The following RAP1GDS1 variants were observed in gnomAD, a reference collection of about 807,000 sequenced individuals.
RAP1GDS1 encodes Rap1 GTPase-GDP dissociation stimulator 1.
Under a neutral mutation model 71.1 loss-of-function variants are expected in RAP1GDS1, and 35 were observed. The observed-to-expected ratio is 0.49, with a 90% CI of 0.38 to 0.65. RAP1GDS1 has a LOEUF of 0.65. RAP1GDS1 is among the 30% of genes least tolerant of loss of function. The pLI, the probability that RAP1GDS1 is intolerant of heterozygous loss-of-function variation, is 0.00. For missense variants in RAP1GDS1, 663 were observed against 706.1 expected, an observed-to-expected ratio of 0.94 and a Z score of 0.69; for synonymous variants, 229 against 243.1, an observed-to-expected ratio of 0.94 and a Z score of 0.54.
intron 5 of RAP1GDS1, among the ~76,000 whole-genome samples, chr4:98,386,575 CTT>C (rs905921745): frequency 2.9e-5 from 4 of 136,496 alleles, no homozygotes; most frequent in East Asian, 2.1e-4. Context: ...TGAATGTTGG[CTT>C]TTTTTTTTTT....
chr4:98,278,227 G>C (rs952322873), intron 1 of RAP1GDS1, among the ~76,000 whole-genome samples: 2 of 151,996 alleles, frequency 1.3e-5, no homozygotes, highest in African/African-American at 4.8e-5. Context: ...CAATACCCTA[G>C]GCTGCATTCC....
intron 1 of RAP1GDS1, among the ~76,000 whole-genome samples, chr4:98,283,301 G>A (rs1322557540): frequency 6.6e-6 from 1 of 152,154 alleles, no homozygotes; most frequent in Non-Finnish European, 1.5e-5. Context: ...ATGAGCTGAT[G>A]ATTTTCCTTT....
At chr4:98,366,712 CTTGTTATG>C (rs1456715017) in intron 4 of RAP1GDS1, among the ~76,000 whole-genome samples, 3 of 152,166 alleles carry the variant, frequency 2.0e-5, no homozygotes, top group South Asian at 2.1e-4. Context: ...AAAGGTGATT[CTTGTTATG>C]TTTTAGCAAA....
At chr4:98,331,885 T>TTTA (rs1282138348) in intron 2 of RAP1GDS1, among the ~76,000 whole-genome samples, 1 of 152,184 alleles carries the variant, frequency 6.6e-6, no homozygotes, top group Non-Finnish European at 1.5e-5. Flanking sequence ...ATCAGTCTTT[T>TTTA]TTATTATTAT....
chr4:98,392,868 CTG>C (rs2110129874), intron 6 of RAP1GDS1, among the ~76,000 whole-genome samples: 1 of 151,818 alleles, frequency 6.6e-6, no homozygotes, highest in Admixed American at 6.5e-5. Context: ...AAAACAAAAT[CTG>C]TGGAATCCTT....
intron 4 of RAP1GDS1, 88 bp downstream of exon 4, chr4:98,352,689 C>G (rs1737391912): frequency 1.4e-6 from 2 of 1,445,704 alleles, no homozygotes; most frequent in Non-Finnish European, 1.9e-6. Flanking sequence ...AGTGACTTTT[C>G]TAGGCTAAAA....
intron 3 of RAP1GDS1, among the ~76,000 whole-genome samples, chr4:98,351,728 A>T (rs926233865): frequency 2.0e-5 from 3 of 151,988 alleles, no homozygotes; most frequent in Non-Finnish European, 2.9e-5. Context: ...ATGTCCAATC[A>T]TGACTGTGGT....
At chr4:98,374,816 T>C (rs528059091) in intron 4 of RAP1GDS1, among the ~76,000 whole-genome samples, 267 of 152,282 alleles carry the variant, frequency 1.8e-3, no homozygotes, top group African/African-American at 6.2e-3. Context: ...GACTTCAGGC[T>C]TGGACCCGTT....
chr4:98,392,450 T>C (rs1452729430), intron 6 of RAP1GDS1, among the ~76,000 whole-genome samples: 2 of 152,240 alleles, frequency 1.3e-5, no homozygotes, highest in Non-Finnish European at 2.9e-5. Flanking sequence ...CATAGTGGCT[T>C]GTGCCTGTGG....
At position 98,332,397 on chromosome 4, in the gene RAP1GDS1, C is replaced by T. The variant is rs539757846; in HGVS notation, c.113-10742C>T. ...ACATTGCTTTTCTAGTCCTTCAAGA[C>T]AGAACATTTCAGTTTCAGGTCACAA... On this transcript the variant is annotated intron_variant, in intron 2 of 14. Transcript: ENST00000408927. 3.1e-3 allele frequency among the ~76,000 whole-genome samples: 471 copies of T among 152,156 alleles called. 1 individual carries two copies. Among genetic ancestry groups the T allele is most frequent in the Admixed American group, 6.7e-3 (103 of 15,284 alleles).
At position 98,392,089 on chromosome 4, in the gene RAP1GDS1, T is replaced by C; in HGVS notation, c.637+9T>C. On this transcript the variant is annotated intron_variant, in intron 6 of 14. Coordinates refer to ENST00000408927, the MANE Select transcript of RAP1GDS1 (RefSeq NM_001100427.2). ...TAATTTAGCAGAACTTGGTAAGTCT[T>C]AGTCATGAACCACAAATGTAATTAA... 1 of 1,607,464 alleles carries C rather than the reference T, an allele frequency of 6.2e-7. No individual in the cohort carries two copies. Among genetic ancestry groups the C allele is most frequent in the Non-Finnish European group, 8.5e-7 (1 of 1,176,564 alleles).
At chr4:98,306,240 A>G (rs1729309261) in intron 2 of RAP1GDS1, among the ~76,000 whole-genome samples, 2 of 152,120 alleles carry the variant, frequency 1.3e-5, no homozygotes, top group Admixed American at 6.5e-5. Context: ...AATAGTAGAG[A>G]TTTATATTTC....
chr4:98,338,610 C>T (rs900032341), intron 2 of RAP1GDS1, among the ~76,000 whole-genome samples: 5 of 152,120 alleles, frequency 3.3e-5, no homozygotes, highest in African/African-American at 7.2e-5. Flanking sequence ...CACAATCTGC[C>T]GTAAGGATCC....
chr4:98,372,610 C>T (rs1314031629), intron 4 of RAP1GDS1, among the ~76,000 whole-genome samples: 2 of 152,202 alleles, frequency 1.3e-5, no homozygotes, highest in Non-Finnish European at 2.9e-5. Context: ...GTTCCACTTC[C>T]TCCCTTAAAT....
chr4:98,407,102 C>A (rs1442829601), intron 7 of RAP1GDS1, among the ~76,000 whole-genome samples: 1 of 151,944 alleles, frequency 6.6e-6, no homozygotes, highest in East Asian at 1.9e-4. Context: ...CCCAAAAAAC[C>A]ACAAGGTAAT....
chr4:98,274,394 CACTGGTGACATT>C (rs1464270827), intron 1 of RAP1GDS1, among the ~76,000 whole-genome samples: 2 of 152,100 alleles, frequency 1.3e-5, no homozygotes, highest in Admixed American at 6.5e-5. Flanking sequence ...AAATGAAGTT[CACTGGTGACATT>C]ACTGGTTCAG....
intron 1 of RAP1GDS1, among the ~76,000 whole-genome samples, chr4:98,274,619 A>G (rs1372305379): frequency 6.6e-6 from 1 of 152,190 alleles, no homozygotes; most frequent in African/African-American, 2.4e-5. Context: ...AACGGATTCC[A>G]CTTCAGGTTA....
chr4:98,408,316 A>G (rs1483123922), intron 7 of RAP1GDS1, among the ~76,000 whole-genome samples: 4 of 152,010 alleles, frequency 2.6e-5, no homozygotes, highest in Non-Finnish European at 5.9e-5. Context: ...TATTTTTAGT[A>G]GACACGGGGT....
At chr4:98,301,811 T>TGC (rs1728626267) in intron 2 of RAP1GDS1, among the ~76,000 whole-genome samples, 1 of 152,108 alleles carries the variant, frequency 6.6e-6, no homozygotes. Flanking sequence ...AAGCACCACT[T>TGC]TGGGGATGGA....
Sources: allele counts gnomAD v4.1 joint callset (sites outside exome capture counted in the v4.1 genomes callset), GRCh38; gene constraint gnomAD v4.1.1; transcripts MANE v1.5; gene names NCBI Gene and HGNC (gene_info 2026-07-23, HGNC 2026-07-21).